Variants in TRO observed in about 807,000 individuals in gnomAD.
The protein encoded by TRO is trophinin, also known as MAGE superfamily protein.
In TRO, 29 loss-of-function variants were observed where a neutral mutation model predicts 42.3. The observed-to-expected ratio is 0.68, with a 90% CI of 0.51 to 0.93. The LOEUF (loss-of-function observed/expected upper bound fraction) is 0.93, where lower values mean the gene tolerates loss of function less well. Among genes scored for constraint, TRO ranks in the 40% least tolerant of loss-of-function variants. The probability of loss-of-function intolerance (pLI) is 0.00; values close to 1 mark genes in which losing one functional copy is unlikely to be tolerated. For missense variants in TRO, 963 were observed against 1,127.7 expected, an observed-to-expected ratio of 0.85 and a Z score of 2.09; for synonymous variants, 384 against 425.2, an observed-to-expected ratio of 0.90 and a Z score of 1.19.
chrX:54,931,247 G>C lies in TRO; in HGVS notation c.*55G>C. On this transcript the variant is annotated 3_prime_UTR_variant, in exon 13 of 13. Transcript: ENST00000173898. The stretch of plus-strand genomic sequence containing the variant: ...CAGATACCGCTAATAAATTGCAGTA[G>C]TCCTTCCCATGGAGCCAAAGTACAT... 1 of 1,211,782 alleles carries C rather than the reference G, an allele frequency of 8.3e-7. No individual in the cohort carries two copies.
rs1461741357 is a variant in TRO at position 54,928,893 on chromosome X, C to T, written c.2169C>T (p.Phe723=). Reference sequence around the variant, plus strand: ...CAGATGCCAGCACCAACGTCAACTTCAGCAGAGGAGCTAGTACCAGGGCTG... The same window carrying T: ...CAGATGCCAGCACCAACGTCAACTTTAGCAGAGGAGCTAGTACCAGGGCTG... ...ENADASTNVN[F]SRGASTRAGF... is the part of the protein sequence containing the mutation. The change falls in exon 12 of 13, where the codon TTC becomes TTT. Residue 723 remains phenylalanine, a synonymous_variant. Coordinates refer to ENST00000173898, the MANE Select transcript of TRO (RefSeq NM_001039705.3). The T allele has an allele frequency of 3.3e-6, 4 of 1,210,473 alleles. No individual in the cohort carries two copies. The highest frequency in any genetic ancestry group is 1.7e-5 in the African/African-American group (1 of 57,551).
At position 54,929,294 on chromosome X, in the gene TRO, C is replaced by T. The variant is rs766406885; in HGVS notation, c.2570C>T (p.Ala857Val). 2 of 1,211,514 alleles carry T rather than the reference C, an allele frequency of 1.7e-6. No individual in the cohort carries two copies. Among genetic ancestry groups the T allele is most frequent in the Non-Finnish European group, 2.2e-6 (2 of 895,289 alleles). Residue 857 changes from alanine (A) to valine (V), a missense_variant, in exon 12 of 13, where the codon GCT becomes GTT. Coordinates refer to ENST00000173898, the MANE Select transcript of TRO (RefSeq NM_001039705.3). ...TTTGGAGGCACACTCAGCACCACGG[C>T]TGGCTTTAGTGGTGTACTCAGCACT... Reference protein sequence around the residue: ...SGFGGTLSTTAGFSGVLSTST... With the variant: ...SGFGGTLSTTVGFSGVLSTST...
At chrX:54,925,770 CT>C in intron 7 of TRO, 87 bp downstream of exon 7, 1 of 811,280 alleles carries the variant, frequency 1.2e-6, no homozygotes, top group Non-Finnish European at 1.8e-6. Context: ...CCCCCATCCT[CT>C]TAGAGAGTCA....
rs768771016 is a variant in TRO at position 54,929,991 on chromosome X, C to T, written c.3267C>T (p.Phe1089=). 8.3e-7 allele frequency: 1 copy of T among 1,211,188 alleles called. No individual in the cohort carries two copies. The highest frequency in any genetic ancestry group is 1.8e-5 in the South Asian group (1 of 56,959). ...FSGAVSTSAC[F]SGAPITNPGF... ...GTGCTGTCAGCACCAGTGCTTGCTT[C>T]AGTGGTGCACCAATCACCAACCCTG... The change falls in exon 12 of 13, where the codon TTC becomes TTT. Residue 1089 remains phenylalanine, a synonymous_variant. Coordinates refer to ENST00000173898, the MANE Select transcript of TRO (RefSeq NM_001039705.3).
chrX:54,927,133 C>T (rs1932793068), intron 10 of TRO, 28 bp downstream of exon 10: 1 of 1,204,005 alleles, frequency 8.3e-7, no homozygotes, highest in African/African-American at 1.8e-5. Context: ...CTTTGTCTGG[C>T]CCTGAAGTGT....
chrX:54,928,214 C>A (rs1701736782), intron 11 of TRO, among the ~76,000 whole-genome samples: 2 of 111,464 alleles, frequency 1.8e-5, no homozygotes, highest in Admixed American at 1.9e-4. Context: ...GGACACTAAT[C>A]CTGTTGATCA....
intron 10 of TRO, 157 bp from the exon 11 acceptor site, chrX:54,927,510 A>T (rs1176306445): frequency 2.2e-6 from 1 of 458,632 alleles, no homozygotes. Context: ...GGCCAAGACC[A>T]TAAACTGTGT....
chrX:54,931,102 A>C, intron 12 of TRO, 71 bp downstream of exon 12: 1 of 1,180,137 alleles, frequency 8.5e-7, no homozygotes. Context: ...TGTAAGAAAC[A>C]CTAAGGCAGG....
In TRO at chrX:54,923,541, G is replaced by T. The variant is rs771071749; in HGVS notation, c.1009G>T (p.Val337Phe). ...TNQALAATLRVKRGSRARKAA... is the reference protein window; with the variant it reads ...TNQALAATLRFKRGSRARKAA... ...CCAAGCCCTGGCAGCCACCCTGCGG[G>T]TCAAGAGAGGGTCTAGGGCTCGGAA... is the stretch of plus-strand genomic sequence containing the variant. Residue 337 changes from valine to phenylalanine, a missense_variant, in exon 3 of 13, where the codon GTC becomes TTC. By Grantham distance (50) the Val-to-Phe change is conservative. Coordinates refer to ENST00000173898, the MANE Select transcript of TRO (RefSeq NM_001039705.3). 1.7e-6 allele frequency: 2 copies of T among 1,190,591 alleles called. No homozygotes were observed. Among genetic ancestry groups the T allele is most frequent in the South Asian group, 3.7e-5 (2 of 54,532 alleles).
Position 54,922,864 on chromosome X carries a change from T to C in TRO, c.332T>C (p.Val111Ala), listed in dbSNP as rs1932261833. The part of the protein sequence containing the change: ...KITWQALNLP[V>A]ITQISQALPT... ...ACTTGGCAGGCTTTAAACCTGCCAG[T>C]CATTACCCAGATCAGCCAGGCTTTA... Residue 111 changes from valine (V) to alanine (A), a missense_variant, in exon 3 of 13, where the codon GTC becomes GCC. Val to Ala is a moderately conservative substitution (Grantham distance 64). This residue lies in a region of TRO where 322 missense variants were observed against 316.5 expected (regional missense o/e 1.02). Coordinates refer to ENST00000173898, the MANE Select transcript of TRO (RefSeq NM_001039705.3). 2 of 1,211,380 alleles carry C rather than the reference T, an allele frequency of 1.7e-6. No homozygotes were observed. The highest frequency in any genetic ancestry group is 2.2e-6 in the Non-Finnish European group (2 of 895,322).
At chrX:54,921,905 T>G in intron 1 of TRO, 1 of 203,451 alleles carries the variant, frequency 4.9e-6, no homozygotes, top group Non-Finnish European at 8.9e-6. Flanking sequence ...GCGGAGGGCA[T>G]TGAAGAATGG....
At position 54,930,639 on chromosome X, in the gene TRO, C is replaced by T. The variant is rs768372011; in HGVS notation, c.3915C>T (p.Thr1305=). 7 of 1,210,763 alleles carry T rather than the reference C, an allele frequency of 5.8e-6. No individual in the cohort carries two copies. In the South Asian group the frequency reaches 1.2e-4, roughly 21 times the overall value. Residue 1305 remains threonine (T), a synonymous_variant, in exon 12 of 13, where the codon ACC becomes ACT. Transcript: ENST00000173898. ...CTAGTTTCGGCAGCACACTTGGCAC[C>T]AGTGCTGGCTTTAGTGGTGGCCTCA... ...TNASFGSTLG[T]SAGFSGGLST... is the part of the protein sequence containing the mutation.
At chrX:54,925,546 C>T in intron 6 of TRO, 46 bp from the exon 7 acceptor site, 1 of 1,140,032 alleles carries the variant, frequency 8.8e-7, no homozygotes. Context: ...TCACTGATAC[C>T]TAAGCTGAAT....
intron 6 of TRO, 30 bp downstream of exon 6, chrX:54,925,098 A>G: frequency 1.7e-6 from 2 of 1,169,973 alleles, no homozygotes; most frequent in South Asian, 3.7e-5. Flanking sequence ...GGATGGGCGC[A>G]ATGGGGAAGC....
intron 11 of TRO, among the ~76,000 whole-genome samples, chrX:54,928,320 G>A (rs1022157949): frequency 1.8e-5 from 2 of 111,961 alleles, no homozygotes; most frequent in African/African-American, 3.2e-5. Flanking sequence ...TTCAACATAC[G>A]AATTTGGGGG....
intron 2 of TRO, 92 bp from the exon 3 acceptor site, chrX:54,922,486 A>G: frequency 1.0e-6 from 1 of 968,527 alleles, no homozygotes; most frequent in East Asian, 3.3e-5. Flanking sequence ...ATTTTAATTA[A>G]CCACTGCTCA....
Position 54,922,649 on chromosome X carries a change from G to C in TRO, c.117G>C (p.Glu39Asp), listed in dbSNP as rs781263160. The part of the protein sequence containing the change: ...PPDIQTETTE[E>D]DSVLLMHTLL... ...ATATACAGACTGAGACCACAGAAGA[G>C]GACAGTGTCCTGCTGATGCATACCC... The change falls in exon 3 of 13, where the codon GAG becomes GAC. Residue 39 changes from glutamate to aspartate, a missense_variant. This residue lies in a region of TRO where 322 missense variants were observed against 316.5 expected (regional missense o/e 1.02). Transcript: ENST00000173898. 2 of 1,211,646 alleles carry C rather than the reference G, an allele frequency of 1.7e-6. No homozygotes were observed. Among genetic ancestry groups the C allele is most frequent in the South Asian group, 3.5e-5 (2 of 56,933 alleles).
rs1464455342 is a variant in TRO, at chrX:54,923,194, A to C, written c.662A>C (p.Glu221Ala). 8.3e-7 allele frequency: 1 copy of C among 1,211,793 alleles called. No homozygotes were observed. Among genetic ancestry groups the C allele is most frequent in the Non-Finnish European group, 1.1e-6 (1 of 895,560 alleles). The change falls in exon 3 of 13, where the codon GAG becomes GCG. Residue 221 changes from glutamate to alanine, a missense_variant. Glu to Ala is a moderately radical substitution (Grantham distance 107, BLOSUM62 -1). Around this residue, in one of 2 missense-constraint regions of TRO, gnomAD observed 322 missense variants for 316.5 expected, o/e 1.02. Transcript: ENST00000173898. ...AATAAGGCCATAGCTAGTGCCACCG[A>C]GGTCTCGCTGGCTGCAACTGCCACC... The part of the protein sequence containing the change: ...AANKAIASAT[E>A]VSLAATATHT...
chrX:54,923,640 T>C lies in TRO; in HGVS notation c.1108T>C (p.Ser370Pro), dbSNP rs370787911. 1.7e-6 allele frequency: 2 copies of C among 1,208,899 alleles called. No individual in the cohort carries two copies. The highest frequency in any genetic ancestry group is 3.5e-5 in the African/African-American group (2 of 57,434). ...ADQGAQAKIASAQTNVSALET... is the reference protein window; with the variant it reads ...ADQGAQAKIAPAQTNVSALET... ...CCAAGGGGCCCAGGCCAAGATAGCC[T>C]CTGCTCAGACCAACGTAAGTGCCCT... The change falls in exon 3 of 13, where the codon TCT (serine) becomes CCT (proline). Residue 370 changes from serine to proline, a missense_variant. Ser to Pro is a moderately conservative substitution (Grantham distance 74). Coordinates refer to ENST00000173898, the MANE Select transcript of TRO (RefSeq NM_001039705.3).
Sources: gnomAD v4.1 joint callset for allele counts (sites outside exome capture counted in the v4.1 genomes callset) on GRCh38, gnomAD v4.1.1 for gene constraint, gnomAD v4.1.1 regional missense constraint, MANE v1.5 for transcripts, NCBI Gene and HGNC (gene_info 2026-07-23, HGNC 2026-07-21) for gene names.